NADK: variants seen among roughly 807,000 people sequenced by gnomAD.
The protein encoded by NADK is poly(P)/ATP NAD kinase.
NADK carries 22 observed loss-of-function variants against 49.8 expected under a neutral mutation model. The observed-to-expected ratio is 0.44, with a 90% CI of 0.32 to 0.63. The LOEUF (loss-of-function observed/expected upper bound fraction) is 0.63, where lower values mean the gene tolerates loss of function less well. Among genes scored for constraint, NADK ranks in the 30% least tolerant of loss-of-function variants. The pLI, the probability that NADK is intolerant of heterozygous loss-of-function variation, is 0.06. For synonymous variants in NADK, 268 were observed against 253.7 expected (o/e 1.06, Z -0.54); for missense variants, 438 against 609.4 (o/e 0.72, Z 2.96).
chr1:1,771,676 A>AG (rs1255729706), intron 1 of NADK, among the ~76,000 whole-genome samples: 1 of 152,242 alleles, frequency 6.6e-6, no homozygotes, highest in African/African-American at 2.4e-5. Flanking sequence ...ACAACTGGAC[A>AG]GCCACGTCTA....
In NADK at chr1:1,754,309, G is replaced by T. The variant is rs374339403; in HGVS notation, c.918C>A (p.His306Gln). 2 of 1,613,736 alleles carry T rather than the reference G, an allele frequency of 1.2e-6. No homozygotes were observed. The highest frequency in any genetic ancestry group is 1.1e-5 in the South Asian group (1 of 91,086). ...LSNVDVYLDG[H>Q]LITTVQGDGV... ...CGTCGCCCTGCACCGTGGTGATGAG[G>T]TGTCCGTCCAGGTAGACATCCACAT... Residue 306 changes from histidine (H) to glutamine (Q), a missense_variant, in exon 9 of 12, where the codon CAC becomes CAA. Transcript: ENST00000341426. The surrounding 1 kb of genome is among the most constrained non-coding windows in gnomAD (Gnocchi z 4.3).
At chr1:1,753,120 G>A in intron 11 of NADK, 60 bp from the exon 12 acceptor site, 2 of 1,547,292 alleles carry the variant, frequency 1.3e-6, no homozygotes, top group East Asian at 2.3e-5. Flanking sequence ...CCCCGGCCAA[G>A]AACCCTTCCT....
intron 4 of NADK, 115 bp downstream of exon 4, chr1:1,757,066 C>G: frequency 6.9e-7 from 1 of 1,455,686 alleles, no homozygotes; most frequent in Non-Finnish European, 9.4e-7. Flanking sequence ...TCCAGACAAG[C>G]AGCCGTTGCC....
chr1:1,760,379 G>A (rs1283872827), intron 3 of NADK, among the ~76,000 whole-genome samples: 2 of 152,168 alleles, frequency 1.3e-5, no homozygotes, highest in Non-Finnish European at 2.9e-5. Flanking sequence ...TGGGACGCAC[G>A]CTGCCGCGGG....
rs1264161062 is a variant in NADK, at chr1:1,756,713, C to T, written c.394-105G>A. 19 of 1,580,294 alleles carry T rather than the reference C, an allele frequency of 1.2e-5. No individual in the cohort carries two copies. In the East Asian group the frequency reaches 2.7e-4, roughly 23 times the overall value. ...GTGGTCAGAGACCTGGCATCGTGGCCTGCATGCCCGCCCCCCCACGCTCAC... is the reference window on the plus strand; with the variant it reads ...GTGGTCAGAGACCTGGCATCGTGGCTTGCATGCCCGCCCCCCCACGCTCAC... On this transcript the variant is annotated intron_variant, in intron 4 of 11. Transcript: ENST00000341426.
chr1:1,764,139 GCCA>G, intron 2 of NADK, among the ~76,000 whole-genome samples: 1 of 152,174 alleles, frequency 6.6e-6, no homozygotes, highest in Non-Finnish European at 1.5e-5. Flanking sequence ...CTCCACGGCT[GCCA>G]CCACGTCAGA....
chr1:1,757,424 G>A, intron 3 of NADK, 114 bp from the exon 4 acceptor site: 7 of 965,662 alleles, frequency 7.2e-6, no homozygotes, highest in South Asian at 1.6e-5. Flanking sequence ...CACCTCCCAG[G>A]GAAACGTGCT....
chr1:1,757,145 T>TGGGGGGCCG, intron 4 of NADK, 36 bp downstream of exon 4: 1 of 1,534,214 alleles, frequency 6.5e-7, no homozygotes, highest in Non-Finnish European at 8.8e-7. Context: ...CAACTCCATG[T>TGGGGGGCCG]GCACCCCAGG....
At chr1:1,760,941 C>T (rs528513480) in intron 3 of NADK, among the ~76,000 whole-genome samples, 9 of 152,206 alleles carry the variant, frequency 5.9e-5, no homozygotes, top group African/African-American at 1.4e-4. Flanking sequence ...GTGATCCTCC[C>T]GCCCCAGCCT....
Position 1,756,575 on chromosome 1 carries a change from G to C in NADK, c.427C>G (p.Leu143Val), listed in dbSNP as rs374090651. 6.2e-7 allele frequency: 1 copy of C among 1,613,972 alleles called. No individual in the cohort carries two copies. The highest frequency in any genetic ancestry group is 8.5e-7 in the Non-Finnish European group (1 of 1,180,046). The change falls in exon 5 of 12, where the codon CTA becomes GTA. Residue 143 changes from leucine to valine, a missense_variant. By Grantham distance (32) the Leu-to-Val change is conservative (BLOSUM62 1). Transcript: ENST00000341426. ...TCGCTGGCGATGGCAGGGTCTTCTA[G>C]CACTTTCTTTTCCACATACACGATC... ...NMIVYVEKKV[L>V]EDPAIASDES...
intron 1 of NADK, among the ~76,000 whole-genome samples, chr1:1,769,138 C>T (rs1309066871): frequency 1.3e-5 from 2 of 152,214 alleles, no homozygotes; most frequent in African/African-American, 4.8e-5. Flanking sequence ...ACATACCAGG[C>T]GGGATGTGGT....
At chr1:1,776,953 C>T (rs892295034) in intron 1 of NADK, among the ~76,000 whole-genome samples, 1 of 151,934 alleles carries the variant, frequency 6.6e-6, no homozygotes, top group African/African-American at 2.4e-5. Context: ...TGGTGCAGGC[C>T]TGTAATCCCA....
chr1:1,760,250 GAC>G (rs1645676255), intron 3 of NADK, among the ~76,000 whole-genome samples: 1 of 152,222 alleles, frequency 6.6e-6, no homozygotes, highest in Non-Finnish European at 1.5e-5. Flanking sequence ...ACAGGTCACA[GAC>G]ACTCCGGGAA....
chr1:1,754,829 CT>C lies in NADK; in HGVS notation c.689-132del. 2 of 878,804 alleles carry C rather than the reference CT, an allele frequency of 2.3e-6. No homozygotes were observed. The highest frequency in any genetic ancestry group is 3.4e-6 in the Non-Finnish European group (2 of 585,270). The allele number at this position is 878,804 out of a possible 1,614,324, so 54.4% of individuals were successfully genotyped here. On this transcript the variant is annotated intron_variant, in intron 7 of 11. Coordinates refer to ENST00000341426, the MANE Select transcript of NADK (RefSeq NM_023018.5). This position sits in a 1 kb window ranked among gnomAD's most constrained non-coding sequence, Gnocchi z 4.3. ...AGTTGACACACTTCTGTGCCTTTTT[CT>C]TTTTATTTTGAGATGGAGTCTCACT... is the stretch of plus-strand genomic sequence containing the variant.
chr1:1,774,501 C>A (rs902907453), intron 1 of NADK, among the ~76,000 whole-genome samples: 6 of 152,166 alleles, frequency 3.9e-5, no homozygotes, highest in African/African-American at 9.6e-5. Context: ...ATGATCCGCC[C>A]GCCTTGGCCT....
intron 3 of NADK, chr1:1,759,353 C>T (rs929434339): frequency 1.8e-5 from 25 of 1,393,664 alleles, no homozygotes; most frequent in African/African-American, 3.0e-5. Flanking sequence ...GGGTACTGCA[C>T]GGAGAGGGCA....
At chr1:1,773,632 A>T (rs939019060) in intron 1 of NADK, among the ~76,000 whole-genome samples, 6 of 151,250 alleles carry the variant, frequency 4.0e-5, no homozygotes, top group African/African-American at 4.8e-5. Context: ...ACAAAATGTT[A>T]AAAAAAATGT....
In NADK at chr1:1,758,691, G is replaced by C. The variant is rs529792614; in HGVS notation, c.264-1381C>G. ...TATAAAAATCAAACAAAACAAAACA[G>C]TTTCCTCATTGGTCACATGGTCCTC... On this transcript the variant is annotated intron_variant, in intron 3 of 11. Transcript: ENST00000341426. 57 of 826,054 alleles carry C rather than the reference G, an allele frequency of 6.9e-5. No individual in the cohort carries two copies. In the African/African-American group the frequency reaches 6.9e-4, roughly 10 times the overall value. 51.2% of individuals were successfully genotyped at this position (826,054 alleles called of 1,614,324 possible). A position where few individuals can be genotyped will look rare whatever the true frequency, so the allele number is the denominator to read the frequency against.
chr1:1,759,173 T>G (rs765858366), intron 3 of NADK: 3 of 1,566,746 alleles, frequency 1.9e-6, no homozygotes, highest in East Asian at 2.4e-5. Context: ...AGCAGCGGCG[T>G]CGTACACCGG....
Sources: allele counts gnomAD v4.1 joint callset (sites outside exome capture counted in the v4.1 genomes callset), GRCh38; gene constraint gnomAD v4.1.1; non-coding constraint Gnocchi (gnomAD v3.1); transcripts MANE v1.5; gene names NCBI Gene and HGNC (gene_info 2026-07-23, HGNC 2026-07-21).